F13A1: variants seen among roughly 807,000 people sequenced by gnomAD.
The protein encoded by F13A1 is FSF, A subunit.
In F13A1, 47 loss-of-function variants were observed where a neutral mutation model predicts 80.1. The observed-to-expected ratio is 0.59, with a 90% confidence interval of 0.46 to 0.75. The LOEUF (loss-of-function observed/expected upper bound fraction) is 0.75. F13A1 is among the 30% of genes least tolerant of loss of function. F13A1 has a pLI of 0.00. For synonymous variants in F13A1, 349 were observed against 344.9 expected, an observed-to-expected ratio of 1.01 and a Z score of -0.13; for missense variants, 817 against 930.4, an observed-to-expected ratio of 0.88 and a Z score of 1.59.
At chr6:6,225,709 C>T (rs192534866) in intron 6 of F13A1, among the ~76,000 whole-genome samples, 9 of 152,116 alleles carry the variant, frequency 5.9e-5, no homozygotes, top group Admixed American at 4.6e-4. Flanking sequence ...CCCTATGTTG[C>T]CCAGGCTAGT....
At chr6:6,315,661 G>A (rs994578639) in intron 2 of F13A1, among the ~76,000 whole-genome samples, 13 of 152,018 alleles carry the variant, frequency 8.6e-5, no homozygotes, top group African/African-American at 2.9e-4. Flanking sequence ...TGAAAAAGCC[G>A]CCATTTCCCC....
In F13A1 at chr6:6,174,779, C is replaced by A. The variant is rs760510692; in HGVS notation, c.1548G>T (p.Arg516Ser). ...PLNTEGVMKSRSNVDMDFEVE... is the reference protein window; with the variant it reads ...PLNTEGVMKSSSNVDMDFEVE... ...CTTCAAAGTCCATGTCAACGTTGGACCTTGATTTCATGACACCTTCTGTGT... is the reference window on the plus strand; with the variant it reads ...CTTCAAAGTCCATGTCAACGTTGGAACTTGATTTCATGACACCTTCTGTGT... Residue 516 changes from arginine (R) to serine (S), a missense_variant, in exon 12 of 15, where the codon AGG becomes AGT. Arg to Ser is a moderately radical substitution (Grantham distance 110). Transcript: ENST00000264870. 1 of 1,614,174 alleles carries A rather than the reference C, an allele frequency of 6.2e-7. No homozygotes were observed. The highest frequency in any genetic ancestry group is 1.7e-5 in the Admixed American group (1 of 60,022).
At chr6:6,230,583 C>G (rs1269275324) in intron 6 of F13A1, among the ~76,000 whole-genome samples, 1 of 152,170 alleles carries the variant, frequency 6.6e-6, no homozygotes, top group Non-Finnish European at 1.5e-5. Context: ...CCTCCCCATA[C>G]TACCACAGCT....
chr6:6,257,585 G>A (rs1256693494), intron 4 of F13A1, among the ~76,000 whole-genome samples: 2 of 152,198 alleles, frequency 1.3e-5, no homozygotes, highest in African/African-American at 2.4e-5. Context: ...GACTAACACC[G>A]CTTCTCTTGG....
At chr6:6,265,556 G>A (rs1377707555) in intron 4 of F13A1, among the ~76,000 whole-genome samples, 1 of 152,164 alleles carries the variant, frequency 6.6e-6, no homozygotes, top group Non-Finnish European at 1.5e-5. Flanking sequence ...AGAAATCATT[G>A]AACTTGACTG....
At chr6:6,265,112 T>C (rs544240149) in intron 4 of F13A1, among the ~76,000 whole-genome samples, 1 of 152,220 alleles carries the variant, frequency 6.6e-6, no homozygotes, top group Non-Finnish European at 1.5e-5. Flanking sequence ...AGTAAATAAA[T>C]ATAAATATAA....
chr6:6,285,946 G>GA (rs1383659859), intron 3 of F13A1, among the ~76,000 whole-genome samples: 6 of 152,204 alleles, frequency 3.9e-5, no homozygotes, highest in Admixed American at 1.3e-4. Context: ...AACTGGTAAG[G>GA]AAAAAATGCA....
At chr6:6,230,579 C>A (rs1432462603) in intron 6 of F13A1, among the ~76,000 whole-genome samples, 1 of 152,138 alleles carries the variant, frequency 6.6e-6, no homozygotes, top group East Asian at 1.9e-4. Context: ...GGTTCCTCCC[C>A]ATACTACCAC....
chr6:6,234,230 C>A (rs1199705651), intron 6 of F13A1, among the ~76,000 whole-genome samples: 1 of 152,090 alleles, frequency 6.6e-6, no homozygotes, highest in Non-Finnish European at 1.5e-5. Context: ...GCTCCTAGGA[C>A]TGATAAAAGA....
At chr6:6,227,051 T>C (rs1428397404) in intron 6 of F13A1, among the ~76,000 whole-genome samples, 9 of 147,948 alleles carry the variant, frequency 6.1e-5, no homozygotes, top group Non-Finnish European at 1.1e-4. Flanking sequence ...TGGGACCTTC[T>C]AGGAGCTCTG....
intron 6 of F13A1, among the ~76,000 whole-genome samples, chr6:6,237,135 C>T (rs930798421): frequency 2.0e-5 from 3 of 152,000 alleles, no homozygotes; most frequent in African/African-American, 7.2e-5. Flanking sequence ...TATTTGGATT[C>T]AATTGCTGTT....
intron 4 of F13A1, among the ~76,000 whole-genome samples, chr6:6,261,001 C>T (rs1250435808): frequency 6.6e-6 from 1 of 152,172 alleles, no homozygotes; most frequent in African/African-American, 2.4e-5. Flanking sequence ...TGGAGTCTCA[C>T]TCTGTGGCCC....
chr6:6,265,845 A>G (rs1757835972), intron 4 of F13A1, among the ~76,000 whole-genome samples: 1 of 152,164 alleles, frequency 6.6e-6, no homozygotes, highest in Non-Finnish European at 1.5e-5. Flanking sequence ...AGAGTTATAG[A>G]CTCTAATAGT....
intron 8 of F13A1, among the ~76,000 whole-genome samples, chr6:6,219,949 C>G (rs77652157): frequency 2.0e-5 from 3 of 152,156 alleles, no homozygotes; most frequent in Admixed American, 6.5e-5. Flanking sequence ...CTGTTATGCT[C>G]GGCTCTGTGA....
chr6:6,188,530 GT>G (rs1457172076), intron 10 of F13A1, among the ~76,000 whole-genome samples: 5 of 137,164 alleles, frequency 3.6e-5, no homozygotes, highest in Non-Finnish European at 6.2e-5. Flanking sequence ...TAGTTGAGCG[GT>G]TTTGAGTGAG....
chr6:6,193,948 G>A (rs1402430929), intron 10 of F13A1, among the ~76,000 whole-genome samples: 2 of 152,220 alleles, frequency 1.3e-5, no homozygotes, highest in Admixed American at 6.5e-5. Context: ...AACTGCCACG[G>A]CAGGTACGAT....
Position 6,218,169 on chromosome 6 carries a change from A to G in F13A1, c.1112+3864T>C, listed in dbSNP as rs188845026. On this transcript the variant is annotated intron_variant, in intron 8 of 14. Transcript: ENST00000264870. ...TCATTTAGAAGGAGCGAAGCCTTTC[A>G]TTGAAAAATCTTTCTTGATCCTAGT... is the stretch of plus-strand genomic sequence containing the variant. Among the ~76,000 whole-genome samples the G allele has an allele frequency of 3.5e-3, 526 of 152,336 alleles. 1 individual carries two copies. The highest frequency in any genetic ancestry group is 0.012 in the African/African-American group (502 of 41,578).
rs528105722 is a variant in F13A1 at position 6,318,822 on chromosome 6, T to C, written c.-18-140A>G. The C allele has an allele frequency of 4.0e-5, 34 of 851,732 alleles. No individual in the cohort carries two copies. The Middle Eastern group carries it at 1.6e-3, about 41-fold the overall frequency. The allele number at this position is 851,732 out of a possible 1,614,324, so 52.8% of individuals were successfully genotyped here. ...CAACACATTTTGCCGTTTGCATAAA[T>C]AAAAACTGAGAAGTGGCAGCAAGGA... On this transcript the variant is annotated intron_variant, in intron 1 of 14. Transcript: ENST00000264870.
At chr6:6,172,802 T>G (rs1052304574) in intron 12 of F13A1, among the ~76,000 whole-genome samples, 3 of 152,166 alleles carry the variant, frequency 2.0e-5, no homozygotes, top group African/African-American at 7.2e-5. Flanking sequence ...GGAGATTTGC[T>G]TCCTTCAAAT....
Sources: allele counts gnomAD v4.1 joint callset (sites outside exome capture counted in the v4.1 genomes callset), GRCh38; gene constraint gnomAD v4.1.1; transcripts MANE v1.5; gene names NCBI Gene and HGNC (gene_info 2026-07-23, HGNC 2026-07-21).